PRKG1: variants seen among roughly 807,000 people sequenced by gnomAD.
PRKG1 encodes cGMP-dependent protein kinase 1.
In PRKG1, 35 loss-of-function variants were observed where a neutral mutation model predicts 88.1. That is an observed-to-expected ratio of 0.40 (90% CI 0.30 to 0.53). The LOEUF (loss-of-function observed/expected upper bound fraction) is 0.53. Ranked by LOEUF, PRKG1 falls within the 20% of genes least tolerant of loss-of-function variation. The probability of loss-of-function intolerance (pLI) is 0.59; values close to 1 mark genes in which losing one functional copy is unlikely to be tolerated. For synonymous variants in PRKG1, 303 were observed against 292.5 expected, an observed-to-expected ratio of 1.04 and a Z score of -0.37; for missense variants, 540 against 839.8, an observed-to-expected ratio of 0.64 and a Z score of 4.41.
chr10:51,456,272 C>T (rs1839583258), intron 2 of PRKG1, among the ~76,000 whole-genome samples: 1 of 152,050 alleles, frequency 6.6e-6, no homozygotes, highest in Admixed American at 6.6e-5. Flanking sequence ...TAGGTCTCTC[C>T]CAAAACACGT....
Position 52,292,676 on chromosome 10 carries a change from T to C in PRKG1, c.1963-1126T>C, listed in dbSNP as rs571453544. Among the ~76,000 whole-genome samples the C allele has an allele frequency of 9.7e-4, 147 of 152,272 alleles. 1 individual carries two copies. Among genetic ancestry groups the C allele is most frequent in the African/African-American group, 3.2e-3 (135 of 41,550 alleles). ...TTTTGGTTACTCTAGCCTTGTAGTA[T>C]AGATGCAGAAAAGGCCTCTGACAAA... is the stretch of plus-strand genomic sequence containing the variant. On this transcript the variant is annotated intron_variant, in intron 17 of 17. Transcript: ENST00000373980.
At chr10:51,267,576 CA>C (rs1839868647) in intron 2 of PRKG1, among the ~76,000 whole-genome samples, 1 of 152,098 alleles carries the variant, frequency 6.6e-6, no homozygotes, top group South Asian at 2.1e-4. Context: ...ACACCTTATT[CA>C]ACATATGGTG....
chr10:52,249,498 G>C (rs1240268253), intron 9 of PRKG1, among the ~76,000 whole-genome samples: 1 of 152,108 alleles, frequency 6.6e-6, no homozygotes, highest in East Asian at 1.9e-4. Context: ...TCAGGTAGCT[G>C]TAATGTGCAA....
At chr10:51,841,115 G>A (rs908628181) in intron 4 of PRKG1, among the ~76,000 whole-genome samples, 1 of 152,086 alleles carries the variant, frequency 6.6e-6, no homozygotes, top group African/African-American at 2.4e-5. Context: ...TCTAAAATAA[G>A]CTCATTACAT....
At chr10:51,777,156 A>G (rs548427303) in intron 3 of PRKG1, among the ~76,000 whole-genome samples, 15 of 152,272 alleles carry the variant, frequency 9.9e-5, no homozygotes, top group Admixed American at 7.2e-4. Context: ...CTGTAGTAAG[A>G]TAGTGATAAG....
intron 2 of PRKG1, among the ~76,000 whole-genome samples, chr10:51,339,930 G>A (rs1841966813): frequency 6.6e-6 from 1 of 152,058 alleles, no homozygotes. Flanking sequence ...AAGACTTGCT[G>A]AGACAAGATG....
intron 2 of PRKG1, among the ~76,000 whole-genome samples, chr10:51,287,780 T>C (rs915192604): frequency 2.0e-5 from 3 of 152,198 alleles, no homozygotes; most frequent in African/African-American, 7.2e-5. Flanking sequence ...TCCACAGTTA[T>C]TAAACTAAGA....
At chr10:51,978,132 G>C (rs1389893189) in intron 5 of PRKG1, among the ~76,000 whole-genome samples, 1 of 151,354 alleles carries the variant, frequency 6.6e-6, no homozygotes, top group African/African-American at 2.4e-5. Flanking sequence ...AATCTACCTT[G>C]AGTAGGGGTC....
intron 7 of PRKG1, among the ~76,000 whole-genome samples, chr10:52,110,943 C>T (rs188154747): frequency 1.3e-5 from 2 of 152,234 alleles, no homozygotes; most frequent in East Asian, 1.9e-4. Flanking sequence ...TGAGAAAGTA[C>T]CTAACTAACC....
At chr10:52,192,331 AAATG>A (rs1296350376) in intron 9 of PRKG1, among the ~76,000 whole-genome samples, 1 of 152,144 alleles carries the variant, frequency 6.6e-6, no homozygotes, top group East Asian at 1.9e-4. Context: ...TTTTAGCCAG[AAATG>A]GTACTAAGTA....
chr10:51,294,726 G>A (rs1483615993), intron 2 of PRKG1, among the ~76,000 whole-genome samples: 1 of 152,036 alleles, frequency 6.6e-6, no homozygotes, highest in Non-Finnish European at 1.5e-5. Flanking sequence ...AGCTTTGTAA[G>A]ATATATTTAA....
intron 2 of PRKG1, among the ~76,000 whole-genome samples, chr10:51,391,030 C>T (rs1307023255): frequency 3.3e-5 from 5 of 152,162 alleles, no homozygotes; most frequent in Non-Finnish European, 7.4e-5. Flanking sequence ...GTGTTATCCT[C>T]ATTTCTCAGA....
intron 2 of PRKG1, among the ~76,000 whole-genome samples, chr10:51,416,959 G>GA (rs1388264341): frequency 6.6e-6 from 1 of 152,084 alleles, no homozygotes; most frequent in Non-Finnish European, 1.5e-5. Context: ...ATGCCACTTG[G>GA]AAAAAAACTA....
intron 2 of PRKG1, among the ~76,000 whole-genome samples, chr10:51,397,968 A>C (rs1432481036): frequency 6.6e-6 from 1 of 152,198 alleles, no homozygotes; most frequent in African/African-American, 2.4e-5. Context: ...GCAGCAGTTG[A>C]TATATCAACC....
intron 1 of PRKG1, 77 bp downstream of exon 1, chr10:51,074,978 C>T (rs1843909441): frequency 1.4e-6 from 2 of 1,460,656 alleles, no homozygotes; most frequent in Non-Finnish European, 9.1e-7. Flanking sequence ...TGTCTGTCGG[C>T]CCCCGCCCCT....
chr10:51,149,179 T>C (rs889670570), intron 1 of PRKG1, among the ~76,000 whole-genome samples: 4 of 152,166 alleles, frequency 2.6e-5, no homozygotes, highest in African/African-American at 9.7e-5. Context: ...GATCTCATTG[T>C]CATATAATCT....
intron 2 of PRKG1, among the ~76,000 whole-genome samples, chr10:51,162,446 G>C (rs1384905346): frequency 1.3e-5 from 2 of 152,120 alleles, no homozygotes; most frequent in African/African-American, 4.8e-5. Flanking sequence ...AAATATTTTT[G>C]TGCTAAGGCT....
chr10:51,237,759 A>G (rs1394920274), intron 2 of PRKG1, among the ~76,000 whole-genome samples: 1 of 152,208 alleles, frequency 6.6e-6, no homozygotes, highest in Non-Finnish European at 1.5e-5. Context: ...CTTCTGACAA[A>G]GTGATAGTAA....
intron 5 of PRKG1, among the ~76,000 whole-genome samples, chr10:51,988,806 G>C (rs1844229010): frequency 6.6e-6 from 1 of 151,870 alleles, no homozygotes; most frequent in African/African-American, 2.4e-5. Flanking sequence ...TTTATAGCTT[G>C]TCTGTTTCAC....
Sources: allele counts gnomAD v4.1 joint callset (sites outside exome capture counted in the v4.1 genomes callset), GRCh38; gene constraint gnomAD v4.1.1; transcripts MANE v1.5; gene names NCBI Gene and HGNC (gene_info 2026-07-23, HGNC 2026-07-21).